ROS1: variants seen among roughly 807,000 people sequenced by gnomAD.
ROS1 encodes the protein ROS proto-oncogene 1, receptor tyrosine kinase.
In ROS1, 263 loss-of-function variants were observed where a neutral mutation model predicts 273.5. That is an observed-to-expected ratio of 0.96 (90% confidence interval 0.87 to 1.06). The LOEUF (loss-of-function observed/expected upper bound fraction) is 1.06. ROS1 is among the 50% of genes least tolerant of loss of function. The pLI is 0.00. For synonymous variants in ROS1, 1,008 were observed against 954.1 expected, an observed-to-expected ratio of 1.06 and a Z score of -1.04; for missense variants, 2,833 against 2,751.1, an observed-to-expected ratio of 1.03 and a Z score of -0.67.
intron 35 of ROS1, 25 bp downstream of exon 35, chr6:117,324,307 A>G (rs778999167): frequency 9.0e-7 from 1 of 1,116,154 alleles, no homozygotes; most frequent in East Asian, 2.4e-5. Flanking sequence ...TTTGTTGCCT[A>G]TTTTAAAAAT....
chr6:117,290,727 T>C (rs943182288), intron 43 of ROS1, among the ~76,000 whole-genome samples: 1 of 152,168 alleles, frequency 6.6e-6, no homozygotes, highest in African/African-American at 2.4e-5. Flanking sequence ...TGCCCAGATA[T>C]GTTACTAATC....
chr6:117,341,300 G>A lies in ROS1; in HGVS notation c.4896C>T (p.Cys1632=), dbSNP rs1417503410. 1 of 1,612,898 alleles carries A rather than the reference G, an allele frequency of 6.2e-7. No individual in the cohort carries two copies. Among genetic ancestry groups the A allele is most frequent in the Non-Finnish European group, 8.5e-7 (1 of 1,179,490 alleles). ...GNIYVLKVLA[C]HSEEMWCTES... ...CTGTACACCACATTTCCTCAGAGTGGCAGGCAAGAACCTTTTGGTAAAAAA... is the reference window on the plus strand; with the variant it reads ...CTGTACACCACATTTCCTCAGAGTGACAGGCAAGAACCTTTTGGTAAAAAA... Residue 1632 remains cysteine (C), a synonymous_variant, in exon 31 of 44, where the codon TGC becomes TGT. Coordinates refer to ENST00000368507, the MANE Select transcript of ROS1 (RefSeq NM_001378902.1).
chr6:117,342,335 C>A, intron 29 of ROS1, 65 bp downstream of exon 29: 2 of 1,391,856 alleles, frequency 1.4e-6, no homozygotes, highest in Admixed American at 2.4e-5. Context: ...AAATAAACAT[C>A]AACATACACA....
chr6:117,332,042 G>A (rs748374276), intron 32 of ROS1, among the ~76,000 whole-genome samples: 10 of 152,028 alleles, frequency 6.6e-5, no homozygotes, highest in Non-Finnish European at 1.5e-4. Context: ...GATACAGACT[G>A]GCAAATTGGA....
rs45569132 is a variant in ROS1 at position 117,318,198 on chromosome 6, G to T, written c.5977C>A (p.His1993Asn). Residue 1993 changes from histidine to asparagine, a missense_variant, in exon 38 of 44, where the codon CAT becomes AAT. Physicochemically the swap from His to Asn is moderately conservative, Grantham distance 68. Coordinates refer to ENST00000368507, the MANE Select transcript of ROS1 (RefSeq NM_001378902.1). ...QEKIEFLKEA[H>N]LMSKFNHPNI... ...TTATTTCAGAGCTACCTCATCAGATGTGCCTCCTTCAGGAATTCAATCTTC... is the reference window on the plus strand; with the variant it reads ...TTATTTCAGAGCTACCTCATCAGATTTGCCTCCTTCAGGAATTCAATCTTC... The T allele has an allele frequency of 8.7e-6, 14 of 1,612,326 alleles. No homozygotes were observed. The East Asian group carries it at 2.9e-4, about 33-fold the overall frequency.
intron 22 of ROS1, 38 bp from the exon 23 acceptor site, chr6:117,360,443 T>A: frequency 7.0e-7 from 1 of 1,432,432 alleles, no homozygotes; most frequent in Non-Finnish European, 9.8e-7. Flanking sequence ...TCAGTAGTGT[T>A]CTCCGTGGCA....
Position 117,341,451 on chromosome 6 carries a change from C to T in ROS1, c.4833G>A (p.Arg1611=), listed in dbSNP as rs751986538. 4 of 1,613,768 alleles carry T rather than the reference C, an allele frequency of 2.5e-6. No homozygotes were observed. Among genetic ancestry groups the T allele is most frequent in the African/African-American group, 1.3e-5 (1 of 74,908 alleles). The change falls in exon 30 of 44, where the codon AGG becomes AGA. Residue 1611 remains arginine (R), a synonymous_variant. Coordinates refer to ENST00000368507, the MANE Select transcript of ROS1 (RefSeq NM_001378902.1). ...PLRQSEFPNG[R]LTLLVTRLSG... The stretch of plus-strand genomic sequence containing the variant: ...ACAGTCTAGTAACAAGGAGAGTGAG[C>T]CTTCCATTTGGAAATTCACTTTGTC...
chr6:117,406,640 G>A (rs1391260206), intron 5 of ROS1, among the ~76,000 whole-genome samples: 1 of 149,110 alleles, frequency 6.7e-6, no homozygotes, highest in African/African-American at 2.6e-5. Flanking sequence ...CAGTTCTGGT[G>A]TCCTTAGTTT....
At chr6:117,334,783 A>G (rs1777342842) in intron 32 of ROS1, among the ~76,000 whole-genome samples, 2 of 152,226 alleles carry the variant, frequency 1.3e-5, no homozygotes, top group African/African-American at 4.8e-5. Flanking sequence ...AAAACTGGCT[A>G]GCCATATGCA....
At chr6:117,416,148 G>A in intron 3 of ROS1, 110 bp downstream of exon 3, 1 of 712,364 alleles carries the variant, frequency 1.4e-6, no homozygotes, top group Non-Finnish European at 2.5e-6. Flanking sequence ...TTGTCTTAGG[G>A]TCAAGCAAAC....
intron 42 of ROS1, among the ~76,000 whole-genome samples, chr6:117,306,310 T>G (rs910591421): frequency 2.0e-5 from 3 of 152,140 alleles, no homozygotes; most frequent in African/African-American, 7.2e-5. Context: ...AAAAATAACA[T>G]GGTGAACCTC....
chr6:117,346,313 C>T (rs1450785467), intron 27 of ROS1, among the ~76,000 whole-genome samples: 2 of 151,496 alleles, frequency 1.3e-5, no homozygotes, highest in African/African-American at 4.9e-5. Context: ...AAAAAAGGAC[C>T]AAGATAACTT....
chr6:117,423,372 G>A (rs373976600), intron 1 of ROS1, among the ~76,000 whole-genome samples: 27 of 152,256 alleles, frequency 1.8e-4, no homozygotes, highest in Middle Eastern at 3.4e-3. Context: ...CTTTTAACAT[G>A]TTATTGTGCC....
At chr6:117,339,002 T>A (rs898556726) in intron 31 of ROS1, among the ~76,000 whole-genome samples, 25 of 152,192 alleles carry the variant, frequency 1.6e-4, no homozygotes, top group Non-Finnish European at 3.1e-4. Flanking sequence ...GTGAAAAAAA[T>A]TACCAAACAA....
At position 117,387,987 on chromosome 6, in the gene ROS1, A is replaced by C. The variant is rs1235934351; in HGVS notation, c.1792T>G (p.Ser598Ala). 13 of 1,614,076 alleles carry C rather than the reference A, an allele frequency of 8.1e-6. No individual in the cohort carries two copies. The highest frequency in any genetic ancestry group is 1.1e-5 in the Non-Finnish European group (13 of 1,180,016). Residue 598 changes from serine (S) to alanine (A), a missense_variant, in exon 14 of 44, where the codon TCT (serine) becomes GCT (alanine). By Grantham distance (99) the Ser-to-Ala change is moderately conservative. Coordinates refer to ENST00000368507, the MANE Select transcript of ROS1 (RefSeq NM_001378902.1). ...TCATAGGTCCAGTTCTGCCAGGCAG[A>C]AGGGCCTAATTCAAAGAGTTCAATA... ...PPALAIGASPSAWQNWTYEVK... is the reference protein window; with the variant it reads ...PPALAIGASPAAWQNWTYEVK...
intron 4 of ROS1, among the ~76,000 whole-genome samples, chr6:117,412,187 G>A (rs1406083438): frequency 6.6e-6 from 1 of 152,084 alleles, no homozygotes; most frequent in African/African-American, 2.4e-5. Context: ...GTAGACCTTT[G>A]TATTTTGTAA....
intron 15 of ROS1, among the ~76,000 whole-genome samples, chr6:117,386,184 G>A (rs1772564357): frequency 6.6e-6 from 1 of 152,222 alleles, no homozygotes. Context: ...CTGAGACAAG[G>A]TGAGATCATG....
intron 32 of ROS1, among the ~76,000 whole-genome samples, chr6:117,333,027 G>T (rs1278311178): frequency 1.3e-5 from 2 of 150,238 alleles, no homozygotes; most frequent in Non-Finnish European, 3.0e-5. Context: ...GACACAAAAA[G>T]CCCTCCAAAA....
At chr6:117,324,157 A>G (rs1405118267) in intron 35 of ROS1, among the ~76,000 whole-genome samples, 175 bp downstream of exon 35, 2 of 152,198 alleles carry the variant, frequency 1.3e-5, no homozygotes, top group Admixed American at 6.5e-5. Context: ...TAGATCAGAA[A>G]ACAATTCACA....
Sources: allele counts gnomAD v4.1 joint callset (sites outside exome capture counted in the v4.1 genomes callset), GRCh38; gene constraint gnomAD v4.1.1; transcripts MANE v1.5; gene names NCBI Gene and HGNC (gene_info 2026-07-23, HGNC 2026-07-21).